ETV6: variants seen among roughly 807,000 people sequenced by gnomAD.
The protein encoded by ETV6 is ETS variant transcription factor 6.
Under a neutral mutation model 51.1 loss-of-function variants are expected in ETV6, and 16 were observed. That is an observed-to-expected ratio of 0.31 (90% CI 0.21 to 0.48). ETV6 has a LOEUF of 0.48. ETV6 is among the 20% of genes least tolerant of loss of function. The pLI, the probability that ETV6 is intolerant of heterozygous loss-of-function variation, is 0.99. For missense variants in ETV6, 458 were observed against 594.8 expected (o/e 0.77, Z 2.39); for synonymous variants, 240 against 224.1 (o/e 1.07, Z -0.64).
intron 1 of ETV6, among the ~76,000 whole-genome samples, chr12:11,716,359 A>G (rs968892291): frequency 2.3e-5 from 3 of 133,084 alleles, no homozygotes; most frequent in African/African-American, 8.9e-5. Context: ...AAAAAAAAAA[A>G]AGATCATTCG....
intron 1 of ETV6, among the ~76,000 whole-genome samples, chr12:11,719,973 C>T (rs371915764): frequency 6.6e-6 from 1 of 152,158 alleles, no homozygotes; most frequent in Non-Finnish European, 1.5e-5. Flanking sequence ...CATCTTTTAC[C>T]GCCCCCTCTC....
intron 1 of ETV6, among the ~76,000 whole-genome samples, chr12:11,652,318 C>G (rs1303341101): frequency 2.0e-5 from 3 of 152,106 alleles, no homozygotes; most frequent in Admixed American, 1.3e-4. Flanking sequence ...ATAATAAGCA[C>G]TAGAGATCAA....
intron 2 of ETV6, among the ~76,000 whole-genome samples, chr12:11,802,867 A>G (rs1945770118): frequency 6.6e-6 from 1 of 152,154 alleles, no homozygotes; most frequent in African/African-American, 2.4e-5. Flanking sequence ...TTGGTCTCCT[A>G]ATTAGCCTGA....
chr12:11,882,201 G>A lies in ETV6; in HGVS notation c.1010-2244G>A, dbSNP rs1947108007. On this transcript the variant is annotated intron_variant, in intron 5 of 7. Transcript: ENST00000396373. The stretch of plus-strand genomic sequence containing the variant: ...GATTTAGGGCTGCTGTACATTTAAT[G>A]GTAGTTCCTTGAAAGATTAAGCTTC... Among the ~76,000 whole-genome samples, 3 of 152,334 alleles carry A rather than the reference G, an allele frequency of 2.0e-5. No individual in the cohort carries two copies. In the South Asian group the frequency reaches 6.2e-4, roughly 32 times the overall value.
At chr12:11,686,584 G>A (rs557671481) in intron 1 of ETV6, among the ~76,000 whole-genome samples, 11 of 152,310 alleles carry the variant, frequency 7.2e-5, no homozygotes, top group African/African-American at 2.4e-4. Context: ...CTGGAGTGCA[G>A]TGGCGTGATC....
chr12:11,832,837 G>A (rs1355234560), intron 2 of ETV6, among the ~76,000 whole-genome samples: 1 of 152,224 alleles, frequency 6.6e-6, no homozygotes, highest in African/African-American at 2.4e-5. Flanking sequence ...CCCAAAAGGA[G>A]TCAATAACTT....
Position 11,735,144 on chromosome 12 carries a change from A to G in ETV6, c.34-17306A>G, listed in dbSNP as rs186525734. On this transcript the variant is annotated intron_variant, in intron 1 of 7. Coordinates refer to ENST00000396373, the MANE Select transcript of ETV6 (RefSeq NM_001987.5). The stretch of plus-strand genomic sequence containing the variant: ...ACTAGGTCCTGCTTCCAAGCCTCCT[A>G]TTTCTTCACTTCCCTGTGTACCAGG... Among the ~76,000 whole-genome samples, 753 of 105,088 alleles carry G rather than the reference A, an allele frequency of 7.2e-3. 7 individuals carry two copies. Among genetic ancestry groups the G allele is most frequent in the Admixed American group, 0.036 (249 of 6,896 alleles). 68.9% of individuals were successfully genotyped at this position (105,088 alleles called of 152,430 possible). A position where few individuals can be genotyped will look rare whatever the true frequency, so the allele number is the denominator to read the frequency against.
intron 1 of ETV6, among the ~76,000 whole-genome samples, chr12:11,694,241 C>G (rs973572115): frequency 1.3e-5 from 2 of 152,194 alleles, no homozygotes; most frequent in African/African-American, 2.4e-5. Flanking sequence ...TCTACCCCTG[C>G]TGCTTCTGAC....
At chr12:11,793,665 A>G (rs561204371) in intron 2 of ETV6, among the ~76,000 whole-genome samples, 95 of 152,302 alleles carry the variant, frequency 6.2e-4, no homozygotes, top group African/African-American at 2.2e-3. Context: ...TTCTCTTAGT[A>G]TATGTGCTCT....
chr12:11,869,940 A>T lies in ETV6; in HGVS notation c.980A>T (p.Glu327Val). ...HIMVSVSPPE[E>V]HAMPIGRIAD... ...ATGGTCTCTGTCTCCCCGCCTGAAG[A>T]GCACGCCATGCCCATTGGGAGAATA... The change falls in exon 5 of 8, where the codon GAG becomes GTG. Residue 327 changes from glutamate (E) to valine (V), a missense_variant. Coordinates refer to ENST00000396373, the MANE Select transcript of ETV6 (RefSeq NM_001987.5). The surrounding 1 kb of genome is among the most constrained non-coding windows in gnomAD (Gnocchi z 5.0). 2 of 1,608,728 alleles carry T rather than the reference A, an allele frequency of 1.2e-6. No individual in the cohort carries two copies. Among genetic ancestry groups the T allele is most frequent in the Non-Finnish European group, 1.7e-6 (2 of 1,179,652 alleles).
At chr12:11,741,645 A>G (rs781361229) in intron 1 of ETV6, among the ~76,000 whole-genome samples, 1 of 152,208 alleles carries the variant, frequency 6.6e-6, no homozygotes, top group East Asian at 1.9e-4. Flanking sequence ...AGTTGTTCAT[A>G]TGTAGGTCAG....
At chr12:11,879,094 CT>C (rs952109532) in intron 5 of ETV6, among the ~76,000 whole-genome samples, 9 of 151,410 alleles carry the variant, frequency 5.9e-5, no homozygotes, top group African/African-American at 2.2e-4. Flanking sequence ...TTAGTAGCAA[CT>C]TTTTTTTTCA....
intron 3 of ETV6, among the ~76,000 whole-genome samples, chr12:11,851,096 C>T (rs1007231826): frequency 7.2e-5 from 11 of 152,156 alleles, no homozygotes; most frequent in African/African-American, 2.2e-4. Flanking sequence ...CCGAGGCAGC[C>T]GTGCCCACCT....
chr12:11,793,031 T>A (rs1408701450), intron 2 of ETV6, among the ~76,000 whole-genome samples: 1 of 152,124 alleles, frequency 6.6e-6, no homozygotes, highest in Non-Finnish European at 1.5e-5. Context: ...AATGTTTACA[T>A]TTTTAAAGCT....
intron 4 of ETV6, among the ~76,000 whole-genome samples, chr12:11,856,987 A>T (rs1018479222): frequency 1.3e-5 from 2 of 152,192 alleles, no homozygotes; most frequent in African/African-American, 4.8e-5. Flanking sequence ...AAGTAGGTGG[A>T]TAGGTGGATA....
At chr12:11,856,714 C>T (rs1298044078) in intron 4 of ETV6, among the ~76,000 whole-genome samples, 1 of 152,146 alleles carries the variant, frequency 6.6e-6, no homozygotes, top group East Asian at 1.9e-4. Flanking sequence ...AAAAATCCAG[C>T]TCAACATAAA....
intron 1 of ETV6, among the ~76,000 whole-genome samples, chr12:11,670,931 C>T (rs577364343): frequency 7.3e-4 from 111 of 152,196 alleles, no homozygotes; most frequent in African/African-American, 2.5e-3. Flanking sequence ...TTATTAAAAC[C>T]CATATTTTTT....
intron 4 of ETV6, among the ~76,000 whole-genome samples, chr12:11,868,863 C>G (rs1395843153): frequency 6.6e-6 from 1 of 152,060 alleles, no homozygotes; most frequent in Non-Finnish European, 1.5e-5. Flanking sequence ...TTCCTTGTGC[C>G]TACAGGCCAC....
intron 4 of ETV6, among the ~76,000 whole-genome samples, chr12:11,857,092 C>G (rs1946642989): frequency 6.6e-6 from 1 of 152,240 alleles, no homozygotes; most frequent in Non-Finnish European, 1.5e-5. Flanking sequence ...CAGAAGGCAT[C>G]ATTCAACCGC....
Sources: allele counts gnomAD v4.1 joint callset (sites outside exome capture counted in the v4.1 genomes callset), GRCh38; gene constraint gnomAD v4.1.1; non-coding constraint Gnocchi (gnomAD v3.1); transcripts MANE v1.5; gene names NCBI Gene and HGNC (gene_info 2026-07-23, HGNC 2026-07-21).